OPCML: variants seen among roughly 807,000 people sequenced by gnomAD.
OPCML encodes opioid-binding protein/cell adhesion molecule.
A neutral mutation model predicts 37.8 loss-of-function variants in OPCML; 13 were observed. The ratio of observed to expected loss-of-function variants is 0.34; its 90% CI spans 0.22 to 0.55. The LOEUF is 0.55. Among genes scored for constraint, OPCML ranks in the 20% least tolerant of loss-of-function variants. OPCML has a pLI of 0.91. For synonymous variants in OPCML, 176 were observed against 168.8 expected (o/e 1.04, Z -0.33); for missense variants, 341 against 435.6 (o/e 0.78, Z 1.93).
chr11:133,114,739 A>G (rs1431777), intron 1 of OPCML, among the ~76,000 whole-genome samples: 84,940 of 152,024 alleles, frequency 0.56, 23,932 homozygotes, highest in East Asian at 0.8. Flanking sequence ...TAGTACTTGG[A>G]ATTGAGTGGG....
chr11:133,275,933 T>C (rs1408978904), intron 1 of OPCML, among the ~76,000 whole-genome samples: 1 of 152,182 alleles, frequency 6.6e-6, no homozygotes, highest in African/African-American at 2.4e-5. Flanking sequence ...CATCAATGAC[T>C]GAATGTATTC....
intron 1 of OPCML, among the ~76,000 whole-genome samples, chr11:132,962,145 G>A (rs566881415): frequency 5.3e-5 from 8 of 152,222 alleles, no homozygotes; most frequent in Admixed American, 6.5e-5. Flanking sequence ...ACACTTTTCC[G>A]TAGGAGGTCC....
At chr11:132,573,030 C>T (rs1335540810) in intron 3 of OPCML, among the ~76,000 whole-genome samples, 2 of 151,528 alleles carry the variant, frequency 1.3e-5, no homozygotes, top group East Asian at 3.9e-4. Context: ...GATTGATTTC[C>T]TAATTTCTTT....
chr11:132,769,514 C>T (rs943614149), intron 2 of OPCML, among the ~76,000 whole-genome samples: 5 of 152,202 alleles, frequency 3.3e-5, no homozygotes, highest in Admixed American at 3.3e-4. Flanking sequence ...CCTCCCATAG[C>T]TCACACACAG....
intron 1 of OPCML, among the ~76,000 whole-genome samples, chr11:132,950,125 T>C (rs548324045): frequency 6.6e-6 from 1 of 152,276 alleles, no homozygotes; most frequent in Admixed American, 6.5e-5. Flanking sequence ...TGGAATTGGC[T>C]CTAAGGGCAG....
chr11:132,966,995 CT>C (rs545201782), intron 1 of OPCML, among the ~76,000 whole-genome samples: 2,106 of 152,052 alleles, frequency 0.014, 24 homozygotes, highest in Non-Finnish European at 0.02. Context: ...CAATCTCTGC[CT>C]TTTGATTGTT....
intron 2 of OPCML, among the ~76,000 whole-genome samples, chr11:132,922,415 G>A (rs1185865466): frequency 6.6e-5 from 10 of 152,132 alleles, no homozygotes; most frequent in Admixed American, 6.5e-4. Flanking sequence ...AAAGAGGTCG[G>A]ATGGGCACCT....
chr11:132,427,020 G>A (rs565729807), intron 7 of OPCML, among the ~76,000 whole-genome samples: 1 of 152,278 alleles, frequency 6.6e-6, no homozygotes. Context: ...AGCCATGAAG[G>A]TATTGGAATG....
chr11:133,054,233 G>C (rs1447986413), intron 1 of OPCML, among the ~76,000 whole-genome samples: 1 of 152,142 alleles, frequency 6.6e-6, no homozygotes, highest in Non-Finnish European at 1.5e-5. Flanking sequence ...TGACAGATCA[G>C]CTCATACTTC....
At chr11:132,849,538 A>T (rs1353219530) in intron 2 of OPCML, among the ~76,000 whole-genome samples, 1 of 152,204 alleles carries the variant, frequency 6.6e-6, no homozygotes, top group Non-Finnish European at 1.5e-5. Flanking sequence ...TATGGAGACA[A>T]ATCAAGTGGG....
intron 1 of OPCML, among the ~76,000 whole-genome samples, chr11:133,348,964 TG>T (rs1944065594): frequency 6.6e-6 from 1 of 152,180 alleles, no homozygotes; most frequent in African/African-American, 2.4e-5. Context: ...CGTGCAGGCC[TG>T]GGTGTGATCT....
At chr11:132,715,279 A>G (rs1294477939) in intron 2 of OPCML, among the ~76,000 whole-genome samples, 1 of 152,256 alleles carries the variant, frequency 6.6e-6, no homozygotes, top group Non-Finnish European at 1.5e-5. Context: ...TCTACTATGT[A>G]CCAAGTGTCA....
At position 133,013,141 on chromosome 11, in the gene OPCML, G is replaced by A. The variant is rs544254455; in HGVS notation, c.62-70131C>T. Among the ~76,000 whole-genome samples the A allele has an allele frequency of 5.9e-5, 9 of 152,226 alleles. No individual in the cohort carries two copies. In the East Asian group the frequency reaches 7.7e-4, roughly 13 times the overall value. ...GAACTCATACTAGGACCATTTTTCCGGTGGAGCCCACTTAACTTGCTGCAC... is the reference window on the plus strand; with the variant it reads ...GAACTCATACTAGGACCATTTTTCCAGTGGAGCCCACTTAACTTGCTGCAC... On this transcript the variant is annotated intron_variant, in intron 1 of 7. Transcript: ENST00000524381.
intron 3 of OPCML, among the ~76,000 whole-genome samples, chr11:132,616,447 C>T (rs561712018): frequency 6.6e-6 from 1 of 152,300 alleles, no homozygotes; most frequent in South Asian, 2.1e-4. Context: ...CATAATTTTG[C>T]AAAGGCAGTT....
chr11:133,204,134 C>A (rs1310714952), intron 1 of OPCML, among the ~76,000 whole-genome samples: 1 of 146,086 alleles, frequency 6.8e-6, no homozygotes, highest in Non-Finnish European at 1.5e-5. Flanking sequence ...TAATTGACAT[C>A]TTCAATTAGG....
intron 1 of OPCML, among the ~76,000 whole-genome samples, chr11:133,329,304 G>C (rs1272361618): frequency 1.3e-5 from 2 of 152,150 alleles, no homozygotes; most frequent in Non-Finnish European, 2.9e-5. Context: ...AGCTACCAAT[G>C]ACTATCTTCA....
At chr11:132,797,891 T>C (rs143276612) in intron 2 of OPCML, among the ~76,000 whole-genome samples, 2,418 of 152,252 alleles carry the variant, frequency 0.016, 26 homozygotes, top group Middle Eastern at 0.031. Context: ...TTGGGGTGGC[T>C]GTGGCAATTT....
chr11:133,087,587 C>T (rs563742574), intron 1 of OPCML, among the ~76,000 whole-genome samples: 2 of 152,358 alleles, frequency 1.3e-5, no homozygotes, highest in African/African-American at 4.8e-5. Flanking sequence ...CTCTGCTTCA[C>T]AGAGTTTAAC....
chr11:132,961,607 C>T (rs755466950), intron 1 of OPCML, among the ~76,000 whole-genome samples: 6 of 152,192 alleles, frequency 3.9e-5, no homozygotes, highest in African/African-American at 1.4e-4. Flanking sequence ...CCCACAGGGC[C>T]GGGCTAAGCA....
Sources: allele counts gnomAD v4.1 joint callset (sites outside exome capture counted in the v4.1 genomes callset), GRCh38; gene constraint gnomAD v4.1.1; transcripts MANE v1.5; gene names NCBI Gene and HGNC (gene_info 2026-07-23, HGNC 2026-07-21).